TAOK3: variants seen among roughly 807,000 people sequenced by gnomAD.
The protein encoded by TAOK3 is TAO kinase 3.
TAOK3 carries 40 observed loss-of-function variants against 120.4 expected under a neutral mutation model. The ratio of observed to expected loss-of-function variants is 0.33; its 90% CI spans 0.26 to 0.43. The LOEUF (loss-of-function observed/expected upper bound fraction) is 0.43, where lower values mean the gene tolerates loss of function less well. TAOK3 is among the 20% of genes least tolerant of loss of function. TAOK3 has a pLI of 1.00. For synonymous variants in TAOK3, 355 were observed against 387.5 expected (o/e 0.92, Z 0.99); for missense variants, 821 against 1,112.1 (o/e 0.74, Z 3.72).
At chr12:118,325,684 T>C (rs2043907358) in intron 1 of TAOK3, among the ~76,000 whole-genome samples, 1 of 152,166 alleles carries the variant, frequency 6.6e-6, no homozygotes, top group Non-Finnish European at 1.5e-5. Flanking sequence ...TTTATTTATT[T>C]ATTTATTTTC....
chr12:118,239,275 A>G lies in TAOK3; in HGVS notation c.295-3T>C, dbSNP rs576160790. 535 of 1,497,468 alleles carry G rather than the reference A, an allele frequency of 3.6e-4. 4 individuals are homozygous for G. The South Asian group carries it at 5.2e-3, about 15-fold the overall frequency. The allele number at this position is 1,497,468 out of a possible 1,614,324, so 92.8% of individuals were successfully genotyped here. ...CCTAAGCAATATTCCATCACCAACT[A>G]TAAGAGATTAAAATAATATTCAGAA... On this transcript the variant is annotated splice_polypyrimidine_tract_variant and splice_region_variant and intron_variant, in intron 5 of 20. Coordinates refer to ENST00000392533, the MANE Select transcript of TAOK3 (RefSeq NM_016281.4).
At chr12:118,359,916 A>G (rs896470231) in intron 1 of TAOK3, among the ~76,000 whole-genome samples, 10 of 152,198 alleles carry the variant, frequency 6.6e-5, no homozygotes, top group Admixed American at 4.6e-4. Flanking sequence ...AATTCAAAAA[A>G]GCTGGAGAAA....
In TAOK3 at chr12:118,160,283, T is replaced by C; in HGVS notation, c.2215A>G (p.Asn739Asp). 6.2e-7 allele frequency: 1 copy of C among 1,614,236 alleles called. No homozygotes were observed. The highest frequency in any genetic ancestry group is 8.5e-7 in the Non-Finnish European group (1 of 1,180,022). Residue 739 changes from asparagine to aspartate, a missense_variant, in exon 19 of 21, where the codon AAT (asparagine) becomes GAT (aspartate). Transcript: ENST00000392533. This position sits in a 1 kb window ranked among gnomAD's most constrained non-coding sequence, Gnocchi z 4.2. ...VQTKQYKALK[N>D]HQLEVTPKNE... ...TTTGGAGTAACTTCCAACTGGTGAT[T>C]CTTGAGTGCTTTATACTGTTTGGTC... is the stretch of plus-strand genomic sequence containing the variant.
At chr12:118,237,947 C>G in intron 7 of TAOK3, 126 bp downstream of exon 7, 1 of 582,954 alleles carries the variant, frequency 1.7e-6, no homozygotes, top group Non-Finnish European at 3.1e-6. Flanking sequence ...TATCCAGAAG[C>G]AGCAATCTAT....
intron 1 of TAOK3, among the ~76,000 whole-genome samples, chr12:118,333,557 A>G (rs1242372040): frequency 1.3e-5 from 2 of 152,192 alleles, no homozygotes; most frequent in African/African-American, 4.8e-5. Context: ...TAATAACCTA[A>G]GTTTCTACCA....
intron 2 of TAOK3, among the ~76,000 whole-genome samples, chr12:118,259,599 C>T (rs1207490838): frequency 4.6e-5 from 7 of 152,172 alleles, no homozygotes; most frequent in Admixed American, 4.6e-4. Context: ...TATTTGAAGA[C>T]AATGGATATC....
At chr12:118,308,931 CAAAAAAAA>C (rs60574584) in intron 1 of TAOK3, among the ~76,000 whole-genome samples, 8 of 30,080 alleles carry the variant, frequency 2.7e-4, no homozygotes, top group East Asian at 1.3e-3. Flanking sequence ...ACTCTGTCTC[CAAAAAAAA>C]AAAAAAAAAA....
chr12:118,199,368 C>A, intron 12 of TAOK3, 111 bp from the exon 13 acceptor site: 1 of 818,926 alleles, frequency 1.2e-6, no homozygotes, highest in Non-Finnish European at 2.0e-6. Context: ...GCTTTTCTGC[C>A]AATCTGCAAA....
intron 3 of TAOK3, among the ~76,000 whole-genome samples, chr12:118,252,102 G>A (rs551974276): frequency 1.3e-5 from 2 of 152,220 alleles, no homozygotes; most frequent in Non-Finnish European, 2.9e-5. Context: ...CTACAGGCAT[G>A]AGCCACTGCA....
intron 13 of TAOK3, among the ~76,000 whole-genome samples, chr12:118,195,116 C>T (rs1160171003): frequency 6.6e-6 from 1 of 151,698 alleles, no homozygotes; most frequent in Non-Finnish European, 1.5e-5. Flanking sequence ...AGTGTTGTCC[C>T]ATTAAAAAAA....
At chr12:118,338,913 G>A (rs1162221200) in intron 1 of TAOK3, among the ~76,000 whole-genome samples, 4 of 151,792 alleles carry the variant, frequency 2.6e-5, no homozygotes, top group Non-Finnish European at 2.9e-5. Flanking sequence ...TAGGAGATGG[G>A]AAGTGGAGAA....
At chr12:118,240,756 C>T (rs963014692) in intron 5 of TAOK3, among the ~76,000 whole-genome samples, 2 of 152,030 alleles carry the variant, frequency 1.3e-5, no homozygotes, top group African/African-American at 4.8e-5. Context: ...CACACTCCTA[C>T]AAATTATTGT....
intron 9 of TAOK3, among the ~76,000 whole-genome samples, chr12:118,215,516 GAAC>G (rs1008321028): frequency 1.5e-4 from 22 of 150,908 alleles, no homozygotes; most frequent in Non-Finnish European, 1.9e-4. Flanking sequence ...TGTCTCAAAA[GAAC>G]AACAACAACA....
At chr12:118,323,975 A>G (rs1167008982) in intron 1 of TAOK3, among the ~76,000 whole-genome samples, 1 of 152,196 alleles carries the variant, frequency 6.6e-6, no homozygotes, top group Non-Finnish European at 1.5e-5. Context: ...AAAATGCTAT[A>G]CGAAGGAAGT....
At chr12:118,207,663 T>C (rs535339510) in intron 11 of TAOK3, among the ~76,000 whole-genome samples, 41 of 152,288 alleles carry the variant, frequency 2.7e-4, no homozygotes, top group African/African-American at 9.9e-4. Context: ...GAGACCAGCC[T>C]GGCCAACAGG....
At chr12:118,316,911 T>C (rs2043485934) in intron 1 of TAOK3, among the ~76,000 whole-genome samples, 1 of 152,166 alleles carries the variant, frequency 6.6e-6, no homozygotes, top group African/African-American at 2.4e-5. Context: ...ACTTCAATTA[T>C]TCCTCCTTGG....
intron 2 of TAOK3, among the ~76,000 whole-genome samples, chr12:118,265,072 A>C (rs2041385480): frequency 6.6e-6 from 1 of 151,486 alleles, no homozygotes; most frequent in South Asian, 2.1e-4. Context: ...AGTAGAGAAA[A>C]ATTTTGCAAA....
chr12:118,175,469 T>C (rs1425809838), intron 16 of TAOK3, among the ~76,000 whole-genome samples: 1 of 151,760 alleles, frequency 6.6e-6, no homozygotes, highest in Non-Finnish European at 1.5e-5. Context: ...CTACTAAAAA[T>C]ACAAAAAATT....
chr12:118,349,736 A>T (rs1370073628), intron 1 of TAOK3, among the ~76,000 whole-genome samples: 1 of 152,226 alleles, frequency 6.6e-6, no homozygotes. Context: ...ATAATTTAAA[A>T]AGGTAAGTTT....
Sources: gnomAD v4.1 joint callset for allele counts (sites outside exome capture counted in the v4.1 genomes callset) on GRCh38, gnomAD v4.1.1 for gene constraint, Gnocchi (gnomAD v3.1) non-coding constraint, MANE v1.5 for transcripts, NCBI Gene and HGNC (gene_info 2026-07-23, HGNC 2026-07-21) for gene names.